Variants in NRTN observed in about 807,000 individuals in gnomAD.
NRTN encodes prepro-neurturin.
A neutral mutation model predicts 7.5 loss-of-function variants in NRTN; 3 were observed. The ratio of observed to expected loss-of-function variants is 0.40; its 90% confidence interval spans 0.18 to 1.03. The LOEUF (loss-of-function observed/expected upper bound fraction) is 1.03. NRTN is among the 50% of genes least tolerant of loss of function. The pLI is 0.34. For missense variants in NRTN, 310 were observed against 307.0 expected (o/e 1.01, Z -0.07); for synonymous variants, 157 against 146.6 (o/e 1.07, Z -0.51).
chr19:5,816,501 C>T (rs574753828), intron 1 of NRTN, among the ~76,000 whole-genome samples: 1 of 152,300 alleles, frequency 6.6e-6, no homozygotes, highest in Non-Finnish European at 1.5e-5. Flanking sequence ...GCTTCAGCCT[C>T]CTGAGTAGCT....
intron 1 of NRTN, among the ~76,000 whole-genome samples, chr19:5,807,079 G>T (rs1411364056): frequency 3.3e-5 from 5 of 152,230 alleles, no homozygotes; most frequent in African/African-American, 9.6e-5. Context: ...CTGGAGGAAG[G>T]GCCTCAGAGG....
rs543047763 is a variant in NRTN at position 5,824,537 on chromosome 19, T to C, written c.169+203T>C. On this transcript the variant is annotated intron_variant, in intron 2 of 2. Transcript: ENST00000303212. ...GCGCCTGCCTATAATCCCAGCACTTTGGGAGGCTGAGACAGGAGGATCTCT... is the reference window on the plus strand; with the variant it reads ...GCGCCTGCCTATAATCCCAGCACTTCGGGAGGCTGAGACAGGAGGATCTCT... 2.0e-5 allele frequency among the ~76,000 whole-genome samples: 3 copies of C among 152,268 alleles called. No homozygotes were observed. The East Asian group carries it at 5.8e-4, about 29-fold the overall frequency.
At position 5,824,019 on chromosome 19, in the gene NRTN, G is replaced by A. The variant is rs2057035694; in HGVS notation, c.-147G>A. On this transcript the variant is annotated 5_prime_UTR_variant, in exon 2 of 3. Coordinates refer to ENST00000303212, the MANE Select transcript of NRTN (RefSeq NM_004558.5). The stretch of plus-strand genomic sequence containing the variant: ...TTCCTTGTTCAATGGTTCCTTGAGG[G>A]ACCATTCCCATGTGATTATCGACCA... 2.8e-6 allele frequency: 3 copies of A among 1,059,198 alleles called. No individual in the cohort carries two copies. The highest frequency in any genetic ancestry group is 4.2e-6 in the Non-Finnish European group (3 of 714,514). 65.6% of individuals were successfully genotyped at this position (1,059,198 alleles called of 1,614,324 possible).
chr19:5,824,718 G>A (rs1042751471), intron 2 of NRTN, among the ~76,000 whole-genome samples: 2 of 152,174 alleles, frequency 1.3e-5, no homozygotes, highest in African/African-American at 2.4e-5. Context: ...AGAGTTCAAG[G>A]CTGCATTGAG....
At chr19:5,817,102 T>C (rs2144760783) in intron 1 of NRTN, among the ~76,000 whole-genome samples, 2 of 152,118 alleles carry the variant, frequency 1.3e-5, no homozygotes, top group South Asian at 4.1e-4. Flanking sequence ...TTTGGGAGGC[T>C]GAGGCGGGAG....
Position 5,824,068 on chromosome 19 carries a change from G to A in NRTN, c.-98G>A. 1 of 1,484,030 alleles carries A rather than the reference G, an allele frequency of 6.7e-7. No homozygotes were observed. Among genetic ancestry groups the A allele is most frequent in the Non-Finnish European group, 9.3e-7 (1 of 1,078,614 alleles). The allele number at this position is 1,484,030 out of a possible 1,614,324, so 91.9% of individuals were successfully genotyped here. ...CATTCGGCAGGCGTTCAAAGTCAAA[G>A]GCCCCACACTGAGTCCTGGCCCAGC... On this transcript the variant is annotated 5_prime_UTR_variant, in exon 2 of 3. Coordinates refer to ENST00000303212, the MANE Select transcript of NRTN (RefSeq NM_004558.5).
Position 5,805,075 on chromosome 19 carries a change from C to A in NRTN, c.-775C>A, listed in dbSNP as rs1489619184. ...TCCGCGGCGGGACGGGCGGAGGCGG[C>A]GGGAGAGCGCGCCCTGAAGCCGCTC... is the stretch of plus-strand genomic sequence containing the variant. On this transcript the variant is annotated 5_prime_UTR_variant, in exon 1 of 3. Coordinates refer to ENST00000303212, the MANE Select transcript of NRTN (RefSeq NM_004558.5). Among the ~76,000 whole-genome samples, 1 of 146,506 alleles carries A rather than the reference C, an allele frequency of 6.8e-6. No homozygotes were observed. Among genetic ancestry groups the A allele is most frequent in the Non-Finnish European group, 1.5e-5 (1 of 65,832 alleles).
At chr19:5,809,787 G>C (rs1008176541) in intron 1 of NRTN, among the ~76,000 whole-genome samples, 1 of 151,994 alleles carries the variant, frequency 6.6e-6, no homozygotes, top group Non-Finnish European at 1.5e-5. Context: ...TACCTCCCTG[G>C]GTCTCAGCGC....
intron 2 of NRTN, among the ~76,000 whole-genome samples, chr19:5,827,543 G>A (rs1400021417): frequency 1.3e-5 from 2 of 149,048 alleles, no homozygotes; most frequent in Non-Finnish European, 3.0e-5. Context: ...GAGTGTGTAC[G>A]TGCCCCCCAG....
intron 1 of NRTN, among the ~76,000 whole-genome samples, chr19:5,811,716 T>C (rs550114536): frequency 6.6e-6 from 1 of 151,078 alleles, no homozygotes; most frequent in East Asian, 1.9e-4. Context: ...TTTTGTTTTT[T>C]TTTTTTGTAT....
At chr19:5,826,793 C>G (rs1599640737) in intron 2 of NRTN, among the ~76,000 whole-genome samples, 2 of 152,152 alleles carry the variant, frequency 1.3e-5, no homozygotes, top group African/African-American at 4.8e-5. Context: ...ATTTAGGCTG[C>G]CAGGCCCTGG....
Position 5,824,296 on chromosome 19 carries a change from C to G in NRTN, c.131C>G (p.Pro44Arg). The change falls in exon 2 of 3, where the codon CCT becomes CGT. Residue 44 changes from proline (P) to arginine (R), a missense_variant. Physicochemically the swap from Pro to Arg is moderately radical, Grantham distance 103. Coordinates refer to ENST00000303212, the MANE Select transcript of NRTN (RefSeq NM_004558.5). ...GCGCTGGTCCCCCTGCACCGCCTGC[C>G]TCGAACCCTGGACGCCCGGATTGCC... ...GPALVPLHRL[P>R]RTLDARIARL... 1 of 1,609,090 alleles carries G rather than the reference C, an allele frequency of 6.2e-7. No homozygotes were observed. Among genetic ancestry groups the G allele is most frequent in the South Asian group, 1.1e-5 (1 of 90,428 alleles).
In NRTN at chr19:5,828,073, G is replaced by A; in HGVS notation, c.494G>A (p.Cys165Tyr). 1 of 1,476,932 alleles carries A rather than the reference G, an allele frequency of 6.8e-7. No individual in the cohort carries two copies. Among genetic ancestry groups the A allele is most frequent in the South Asian group, 1.3e-5 (1 of 77,350 alleles). 91.5% of individuals were successfully genotyped at this position (1,476,932 alleles called of 1,614,324 possible). Reference sequence around the variant, plus strand: ...GAGCGGGTGCGCGCGCAGCCCTGCTGCCGCCCGACGGCCTACGAGGACGAG... The same window carrying A: ...GAGCGGGTGCGCGCGCAGCCCTGCTACCGCCCGACGGCCTACGAGGACGAG... ...RRERVRAQPCCRPTAYEDEVS... is the reference protein window; with the variant it reads ...RRERVRAQPCYRPTAYEDEVS... The change falls in exon 3 of 3, where the codon TGC becomes TAC. Residue 165 changes from cysteine to tyrosine, a missense_variant. By Grantham distance (194) the Cys-to-Tyr change is radical. Coordinates refer to ENST00000303212, the MANE Select transcript of NRTN (RefSeq NM_004558.5).
At chr19:5,816,255 G>T (rs1302582380) in intron 1 of NRTN, among the ~76,000 whole-genome samples, 3 of 152,108 alleles carry the variant, frequency 2.0e-5, no homozygotes, top group African/African-American at 7.2e-5. Context: ...GTCCATCCAG[G>T]ATCCCAGATG....
chr19:5,827,647 C>A, intron 2 of NRTN, 102 bp from the exon 3 acceptor site: 1 of 464,540 alleles, frequency 2.2e-6, no homozygotes, highest in Non-Finnish European at 2.9e-6. Context: ...GCCTGGCGTC[C>A]CAGCAAGGGT....
chr19:5,814,407 C>A (rs1252413583), intron 1 of NRTN, among the ~76,000 whole-genome samples: 2 of 152,160 alleles, frequency 1.3e-5, no homozygotes, highest in Non-Finnish European at 2.9e-5. Context: ...TTCCAGGCCT[C>A]CCCAAGATTA....
intron 1 of NRTN, among the ~76,000 whole-genome samples, chr19:5,808,343 C>A (rs55745818): frequency 6.6e-6 from 1 of 152,188 alleles, no homozygotes; most frequent in South Asian, 2.1e-4. Flanking sequence ...ACCCCGGGGA[C>A]CCCCCTCCTG....
rs1454397963 is a variant in NRTN, at chr19:5,824,246, G to C, written c.81G>C (p.Leu27=). The change falls in exon 2 of 3, where the codon CTG becomes CTC. Residue 27 remains leucine, a synonymous_variant. Coordinates refer to ENST00000303212, the MANE Select transcript of NRTN (RefSeq NM_004558.5). Reference sequence around the variant, plus strand: ...CCATCTGGATGTGTCGAGAGGGCCTGCTTCTCAGCCACCGCCTCGGACCTG... The same window carrying C: ...CCATCTGGATGTGTCGAGAGGGCCTCCTTCTCAGCCACCGCCTCGGACCTG... ...VLSIWMCREG[L]LLSHRLGPAL... is the part of the protein sequence containing the mutation. 2 of 1,612,184 alleles carry C rather than the reference G, an allele frequency of 1.2e-6. No individual in the cohort carries two copies. Among genetic ancestry groups the C allele is most frequent in the Non-Finnish European group, 1.7e-6 (2 of 1,179,850 alleles).
chr19:5,813,673 TC>T (rs1349108218), intron 1 of NRTN, among the ~76,000 whole-genome samples: 3 of 137,596 alleles, frequency 2.2e-5, no homozygotes, highest in African/African-American at 8.8e-5. Flanking sequence ...AGAGCAAGAC[TC>T]CGTCTGAAAA....
Sources: allele counts gnomAD v4.1 joint callset (sites outside exome capture counted in the v4.1 genomes callset), GRCh38; gene constraint gnomAD v4.1.1; transcripts MANE v1.5; gene names NCBI Gene and HGNC (gene_info 2026-07-23, HGNC 2026-07-21).